The following AFF3 variants were observed in gnomAD, a reference collection of about 807,000 sequenced individuals.
The protein encoded by AFF3 is ALF transcription elongation factor 3, also known as AF4/FMR2 family member 3.
AFF3 carries 32 observed loss-of-function variants against 129.7 expected under a neutral mutation model. That is an observed-to-expected ratio of 0.25 (90% CI 0.19 to 0.33). The LOEUF (loss-of-function observed/expected upper bound fraction) is 0.33. AFF3 is among the 10% of genes least tolerant of loss of function. The pLI, the probability that AFF3 is intolerant of heterozygous loss-of-function variation, is 1.00. For synonymous variants in AFF3, 644 were observed against 635.4 expected (o/e 1.01, Z -0.20); for missense variants, 1,373 against 1,592.0 (o/e 0.86, Z 2.34).
intron 7 of AFF3, among the ~76,000 whole-genome samples, chr2:99,854,555 C>T (rs1690384931): frequency 6.6e-6 from 1 of 152,192 alleles, no homozygotes; most frequent in African/African-American, 2.4e-5. Context: ...ACGGAAAAAT[C>T]CATGTAAACA....
chr2:99,802,304 G>C (rs1685998851), intron 8 of AFF3, among the ~76,000 whole-genome samples: 1 of 152,148 alleles, frequency 6.6e-6, no homozygotes, highest in African/African-American at 2.4e-5. Flanking sequence ...AGGAAAAGGA[G>C]ACAAAAAGGC....
At chr2:99,682,016 C>T (rs1167335979) in intron 11 of AFF3, among the ~76,000 whole-genome samples, 1 of 151,726 alleles carries the variant, frequency 6.6e-6, no homozygotes, top group Admixed American at 6.6e-5. Context: ...AGCAATGCTC[C>T]CTACCTCAGC....
intron 7 of AFF3, among the ~76,000 whole-genome samples, chr2:99,906,335 C>T (rs1694712692): frequency 6.6e-6 from 1 of 152,130 alleles, no homozygotes; most frequent in Non-Finnish European, 1.5e-5. Flanking sequence ...GAGGATGTGG[C>T]AGAGCTGGGC....
intron 7 of AFF3, among the ~76,000 whole-genome samples, chr2:99,849,038 C>T (rs889903299): frequency 6.6e-6 from 1 of 152,062 alleles, no homozygotes; most frequent in Non-Finnish European, 1.5e-5. Context: ...TAAGAAAAGA[C>T]TGGCTACTGC....
chr2:99,577,855 A>G (rs1257828582), intron 18 of AFF3, among the ~76,000 whole-genome samples: 3 of 152,208 alleles, frequency 2.0e-5, no homozygotes, highest in African/African-American at 4.8e-5. Context: ...TGGGTGAAGG[A>G]TGATGGCATT....
At chr2:99,677,926 G>A (rs926568055) in intron 11 of AFF3, among the ~76,000 whole-genome samples, 3 of 151,946 alleles carry the variant, frequency 2.0e-5, no homozygotes, top group Non-Finnish European at 4.4e-5. Flanking sequence ...TCAAGCAATC[G>A]TCCCACCTCA....
intron 8 of AFF3, among the ~76,000 whole-genome samples, chr2:99,756,829 G>A (rs889107197): frequency 1.3e-5 from 2 of 152,160 alleles, no homozygotes; most frequent in African/African-American, 4.8e-5. Context: ...ACACATAAGA[G>A]TCCATATAAT....
intron 16 of AFF3, among the ~76,000 whole-genome samples, chr2:99,584,822 C>T (rs1677933174): frequency 1.3e-5 from 2 of 152,186 alleles, no homozygotes. Flanking sequence ...GTTGGGATCT[C>T]TTAATTGCAC....
intron 2 of AFF3, among the ~76,000 whole-genome samples, chr2:100,122,704 G>A (rs528734172): frequency 1.1e-4 from 16 of 152,292 alleles, no homozygotes; most frequent in Admixed American, 9.1e-4. Context: ...GATAAATGAA[G>A]TCAATGTTTC....
At chr2:99,672,739 ATGCACTTTTCCTCTGG>A in intron 11 of AFF3, 150 bp from the exon 12 acceptor site, 4 of 753,028 alleles carry the variant, frequency 5.3e-6, no homozygotes, top group Non-Finnish European at 6.5e-6. Context: ...TTTCCTTCTT[ATGCACTTTTCCTCTGG>A]TGCACTTAGG....
At chr2:99,975,891 A>T (rs1026632541) in intron 7 of AFF3, among the ~76,000 whole-genome samples, 1 of 150,806 alleles carries the variant, frequency 6.6e-6, no homozygotes, top group African/African-American at 2.4e-5. Context: ...AAGAAAAAAG[A>T]AAAAGAGAAA....
At chr2:99,781,468 C>G (rs1684401874) in intron 8 of AFF3, among the ~76,000 whole-genome samples, 1 of 152,230 alleles carries the variant, frequency 6.6e-6, no homozygotes. Flanking sequence ...AGGGCTGGGT[C>G]AGCAAAACAA....
At chr2:99,957,170 C>CGT (rs147671356) in intron 7 of AFF3, among the ~76,000 whole-genome samples, 3 of 147,762 alleles carry the variant, frequency 2.0e-5, no homozygotes, top group Non-Finnish European at 4.5e-5. Context: ...TGTGCATGTA[C>CGT]GTGTGTGTGT....
chr2:99,839,187 G>A (rs1689121184), intron 7 of AFF3, among the ~76,000 whole-genome samples: 1 of 151,938 alleles, frequency 6.6e-6, no homozygotes, highest in South Asian at 2.1e-4. Context: ...TTGGATTACT[G>A]CAACCTCTAC....
chr2:99,610,422 A>C (rs925937662), intron 13 of AFF3, among the ~76,000 whole-genome samples: 9 of 152,232 alleles, frequency 5.9e-5, no homozygotes, highest in Non-Finnish European at 1.2e-4. Flanking sequence ...GATACAATTT[A>C]TTCATAGTAA....
At chr2:99,639,121 C>T (rs1343753390) in intron 13 of AFF3, among the ~76,000 whole-genome samples, 3 of 152,144 alleles carry the variant, frequency 2.0e-5, no homozygotes, top group Non-Finnish European at 4.4e-5. Context: ...TTATACAACT[C>T]GTTATTTATT....
chr2:99,747,650 G>C (rs1681276613), intron 9 of AFF3, among the ~76,000 whole-genome samples: 1 of 152,136 alleles, frequency 6.6e-6, no homozygotes, highest in Non-Finnish European at 1.5e-5. Context: ...ACACCTGTGT[G>C]ATTAATAACC....
chr2:100,034,078 T>C (rs1193930532), intron 4 of AFF3, among the ~76,000 whole-genome samples: 1 of 152,194 alleles, frequency 6.6e-6, no homozygotes, highest in Non-Finnish European at 1.5e-5. Context: ...TGTTCTAAGA[T>C]TGGTTATCAC....
intron 2 of AFF3, among the ~76,000 whole-genome samples, chr2:100,108,248 G>A (rs556300167): frequency 1.6e-3 from 250 of 152,278 alleles, no homozygotes; most frequent in Non-Finnish European, 2.7e-3. Context: ...TGAACCCCAG[G>A]ACAGCGTAGA....
Sources: allele counts gnomAD v4.1 joint callset (sites outside exome capture counted in the v4.1 genomes callset), GRCh38; gene constraint gnomAD v4.1.1; transcripts MANE v1.5; gene names NCBI Gene and HGNC (gene_info 2026-07-23, HGNC 2026-07-21).